Variants in NACAD observed in about 807,000 individuals in gnomAD.
NACAD encodes NAC-alpha domain-containing protein 1.
Under a neutral mutation model 98.9 loss-of-function variants are expected in NACAD, and 47 were observed. That is an observed-to-expected ratio of 0.48 (90% CI 0.38 to 0.61). The LOEUF is 0.61. NACAD is among the 20% of genes least tolerant of loss of function. NACAD has a pLI of 0.00. For synonymous variants in NACAD, 696 were observed against 767.2 expected (o/e 0.91, Z 1.53); for missense variants, 1,412 against 1,748.2 (o/e 0.81, Z 3.43).
chr7:45,083,414 C>T lies in NACAD; in HGVS notation c.2766G>A (p.Met922Ile). 1 of 1,550,598 alleles carries T rather than the reference C, an allele frequency of 6.4e-7. No homozygotes were observed. The highest frequency in any genetic ancestry group is 8.7e-7 in the Non-Finnish European group (1 of 1,147,018). The change falls in exon 2 of 8, where the codon ATG (methionine) becomes ATA (isoleucine). Residue 922 changes from methionine to isoleucine, a missense_variant. By Grantham distance (10) the Met-to-Ile change is conservative. Transcript: ENST00000490531. ...EGLTLPQDSA[M>I]TAPLPLQDTG... The stretch of plus-strand genomic sequence containing the variant: ...TGTCTTGCAGAGGCAGAGGTGCTGT[C>T]ATAGCGGAGTCCTGGGGTAAGGTGA...
In NACAD at chr7:45,082,328, G is replaced by A. The variant is rs1206775784; in HGVS notation, c.3852C>T (p.Val1284=). The change falls in exon 2 of 8, where the codon GTC becomes GTT. Residue 1284 remains valine (V), a synonymous_variant. Transcript: ENST00000490531. This position sits in a 1 kb window ranked among gnomAD's most constrained non-coding sequence, Gnocchi z 4.5. Reference sequence around the variant, plus strand: ...TCCCCAGAGGCTGTGTGGTTCCTGAGACAGCAGCAGCGGCAGGCTGGACTC... The same window carrying A: ...TCCCCAGAGGCTGTGTGGTTCCTGAAACAGCAGCAGCGGCAGGCTGGACTC... ...QAGVQPAAAA[V]SGTTQPLGTG... The A allele has an allele frequency of 6.4e-7, 1 of 1,550,576 alleles. No homozygotes were observed. Among genetic ancestry groups the A allele is most frequent in the Non-Finnish European group, 8.7e-7 (1 of 1,146,968 alleles).
Position 45,080,941 on chromosome 7 carries a change from C to T in NACAD, c.4486G>A (p.Glu1496Lys). ...VPSEPSALVPESAPRPRVRLE... is the reference protein window; with the variant it reads ...VPSEPSALVPKSAPRPRVRLE... ...CTCACCCGGGGCCTGGGTGCTGACT[C>T]AGGGACCAAGGCTGAGGGCTCTGAG... The change falls in exon 6 of 8, where the codon GAG (glutamate) becomes AAG (lysine). Residue 1496 changes from glutamate (E) to lysine (K), a missense_variant. Coordinates refer to ENST00000490531, the MANE Select transcript of NACAD (RefSeq NM_001146334.2). 1 of 1,552,740 alleles carries T rather than the reference C, an allele frequency of 6.4e-7. No homozygotes were observed. The highest frequency in any genetic ancestry group is 8.7e-7 in the Non-Finnish European group (1 of 1,147,618).
rs965493457 is a variant in NACAD, at chr7:45,086,062, G to C, written c.118C>G (p.Arg40Gly). Residue 40 changes from arginine to glycine, a missense_variant, in exon 2 of 8, where the codon CGG becomes GGG. Transcript: ENST00000490531. ...CCTGGGGTCAGAGCACAGGGCTCCC[G>C]CCGGTCCCCTCCCAGGATGGTGGTG... ...AATTILGGDR[R>G]EPCALTPGPS... 2 of 1,536,224 alleles carry C rather than the reference G, an allele frequency of 1.3e-6. No homozygotes were observed. The highest frequency in any genetic ancestry group is 3.9e-5 in the Admixed American group (2 of 50,982).
At position 45,083,013 on chromosome 7, in the gene NACAD, G is replaced by A. The variant is rs113558875; in HGVS notation, c.3167C>T (p.Ala1056Val). The change falls in exon 2 of 8, where the codon GCG becomes GTG. Residue 1056 changes from alanine to valine, a missense_variant. Coordinates refer to ENST00000490531, the MANE Select transcript of NACAD (RefSeq NM_001146334.2). ...AGCCCCATCACCTGTGTGCGCTCGC[G>A]CTTCCAGACATGCTTCCCGTCCAGG... Reference protein sequence around the residue: ...SRPGREACLEARAHTGDGAKP... With the variant: ...SRPGREACLEVRAHTGDGAKP... 1.3e-3 allele frequency: 2,021 copies of A among 1,550,930 alleles called. 22 individuals carry two copies. In the African/African-American group the frequency reaches 0.024, roughly 18 times the overall value.
In NACAD at chr7:45,083,468, C is replaced by T. The variant is rs778298104; in HGVS notation, c.2712G>A (p.Thr904=). Residue 904 remains threonine, a synonymous_variant, in exon 2 of 8, where the codon ACG becomes ACA. Coordinates refer to ENST00000490531, the MANE Select transcript of NACAD (RefSeq NM_001146334.2). ...CCTCTTCAGCCTGCTGGGACACAGG[C>T]GTGGCTGCAGCCACAGGCTTTGGGG... The part of the protein sequence containing the change: ...SSAPKPVAAA[T]PVSQQAEEGL... 14 of 1,382,946 alleles carry T rather than the reference C, an allele frequency of 1.0e-5. No homozygotes were observed. The highest frequency in any genetic ancestry group is 1.0e-4 in the Admixed American group (4 of 39,860). 85.7% of individuals were successfully genotyped at this position (1,382,946 alleles called of 1,614,324 possible).
chr7:45,088,904 G>C lies in NACAD; in HGVS notation c.-10C>G. On this transcript the variant is annotated 5_prime_UTR_variant, in exon 1 of 8. Coordinates refer to ENST00000490531, the MANE Select transcript of NACAD (RefSeq NM_001146334.2). The surrounding 1 kb of genome is among the most constrained non-coding windows in gnomAD (Gnocchi z 5.7). ...CAGCCTCCCCAGGCATGGCCTGGCC[G>C]TGCGCCCGCCCGTCCCTCAGTCCTT... The C allele has an allele frequency of 2.1e-6, 3 of 1,418,314 alleles. No individual in the cohort carries two copies. Among genetic ancestry groups the C allele is most frequent in the Non-Finnish European group, 2.8e-6 (3 of 1,087,196 alleles). 87.9% of individuals were successfully genotyped at this position (1,418,314 alleles called of 1,614,324 possible).
At position 45,083,471 on chromosome 7, in the gene NACAD, G is replaced by A. The variant is rs1784465928; in HGVS notation, c.2709C>T (p.Ala903=). The A allele has an allele frequency of 1.1e-6, 1 of 884,814 alleles. No individual in the cohort carries two copies. Among genetic ancestry groups the A allele is most frequent in the African/African-American group, 1.7e-5 (1 of 58,194 alleles). 54.8% of individuals were successfully genotyped at this position (884,814 alleles called of 1,614,324 possible). The change falls in exon 2 of 8, where the codon GCC becomes GCT. Residue 903 remains alanine, a synonymous_variant. Coordinates refer to ENST00000490531, the MANE Select transcript of NACAD (RefSeq NM_001146334.2). ...CTTCAGCCTGCTGGGACACAGGCGT[G>A]GCTGCAGCCACAGGCTTTGGGGCTG... ...LSSAPKPVAA[A]TPVSQQAEEG...
chr7:45,085,797 G>A lies in NACAD; in HGVS notation c.383C>T (p.Ala128Val), dbSNP rs1385254066. 62 of 1,540,578 alleles carry A rather than the reference G, an allele frequency of 4.0e-5. 1 individual carries two copies. The highest frequency in any genetic ancestry group is 4.7e-5 in the Non-Finnish European group (54 of 1,141,658). ...RIVMGEETCQ[A>V]LLSPRAARTA... is the part of the protein sequence containing the mutation. ...CCGGGCAGCTCTGGGTGACAGGAGGGCCTGGCACGTCTCCTCTCCCATCAC... is the reference window on the plus strand; with the variant it reads ...CCGGGCAGCTCTGGGTGACAGGAGGACCTGGCACGTCTCCTCTCCCATCAC... Residue 128 changes from alanine (A) to valine (V), a missense_variant, in exon 2 of 8, where the codon GCC (alanine) becomes GTC (valine). By Grantham distance (64) the Ala-to-Val change is moderately conservative (BLOSUM62 0). Around this residue, in one of 5 missense-constraint regions of NACAD, gnomAD observed 638 missense variants for 722.7 expected, o/e 0.88. Transcript: ENST00000490531. This position sits in a 1 kb window ranked among gnomAD's most constrained non-coding sequence, Gnocchi z 6.1.
chr7:45,081,899 T>C lies in NACAD; in HGVS notation c.4073-32A>G, dbSNP rs1784436350. 2.6e-6 allele frequency: 4 copies of C among 1,534,998 alleles called. No homozygotes were observed. In the East Asian group the frequency reaches 9.8e-5, roughly 38 times the overall value. ...AAGGGGAGAGGTGTGAGGATGGCCT[T>C]TTGCTTCTAGGTGGCGGGGAAGGGG... On this transcript the variant is annotated intron_variant, in intron 2 of 7. Coordinates refer to ENST00000490531, the MANE Select transcript of NACAD (RefSeq NM_001146334.2).
chr7:45,082,615 C>T lies in NACAD; in HGVS notation c.3565G>A (p.Gly1189Ser). Residue 1189 changes from glycine (G) to serine (S), a missense_variant, in exon 2 of 8, where the codon GGC becomes AGC. Coordinates refer to ENST00000490531, the MANE Select transcript of NACAD (RefSeq NM_001146334.2). This position sits in a 1 kb window ranked among gnomAD's most constrained non-coding sequence, Gnocchi z 4.5. ...ACTTCGTGGGGTTGCTCAACACTGC[C>T]CAGACCCAGTACAGGCTCCGGCTGC... is the stretch of plus-strand genomic sequence containing the variant. ...SQQPEPVLGL[G>S]SVEQPHEVPS... 6.5e-7 allele frequency: 1 copy of T among 1,528,348 alleles called. No individual in the cohort carries two copies. Among genetic ancestry groups the T allele is most frequent in the African/African-American group, 1.4e-5 (1 of 72,674 alleles). 94.7% of individuals were successfully genotyped at this position (1,528,348 alleles called of 1,614,324 possible). A position where few individuals can be genotyped will look rare whatever the true frequency, so the allele number is the denominator to read the frequency against.
At chr7:45,087,608 G>C (rs1784540069) in intron 1 of NACAD, among the ~76,000 whole-genome samples, 4 of 152,234 alleles carry the variant, frequency 2.6e-5, no homozygotes, top group African/African-American at 9.6e-5. Flanking sequence ...GAAAGAAGGG[G>C]GACCCTGTTG....
rs887478304 is a variant in NACAD, at chr7:45,081,227, C to T, written c.4294G>A (p.Val1432Ile). The change falls in exon 5 of 8, where the codon GTC becomes ATC. Residue 1432 changes from valine (V) to isoleucine (I), a missense_variant. Transcript: ENST00000490531. ...GACTTCTGGATGGTGATCCTGGTGA[C>T]TCCCTGAATCTGCCGCAAGCCCAGC... is the stretch of plus-strand genomic sequence containing the variant. Reference protein sequence around the residue: ...SKLGLRQIQGVTRITIQKSKN... With the variant: ...SKLGLRQIQGITRITIQKSKN... 1.3e-6 allele frequency: 2 copies of T among 1,551,358 alleles called. No individual in the cohort carries two copies. The highest frequency in any genetic ancestry group is 1.4e-5 in the African/African-American group (1 of 73,060).
At position 45,085,788 on chromosome 7, in the gene NACAD, G is replaced by A; in HGVS notation, c.392C>T (p.Ser131Leu). Residue 131 changes from serine (S) to leucine (L), a missense_variant, in exon 2 of 8, where the codon TCA becomes TTA. Physicochemically the swap from Ser to Leu is moderately radical, Grantham distance 145. Coordinates refer to ENST00000490531, the MANE Select transcript of NACAD (RefSeq NM_001146334.2). This position sits in a 1 kb window ranked among gnomAD's most constrained non-coding sequence, Gnocchi z 6.1. The part of the protein sequence containing the change: ...MGEETCQALL[S>L]PRAARTALRD... ...GAGCGCTGTCCGGGCAGCTCTGGGT[G>A]ACAGGAGGGCCTGGCACGTCTCCTC... 1 of 1,543,596 alleles carries A rather than the reference G, an allele frequency of 6.5e-7. No individual in the cohort carries two copies. The highest frequency in any genetic ancestry group is 1.7e-4 in the Middle Eastern group (1 of 5,818).
Position 45,088,912 on chromosome 7 carries a change from G to C in NACAD, c.-18C>G, listed in dbSNP as rs1487291481. 2.1e-6 allele frequency: 3 copies of C among 1,399,886 alleles called. No homozygotes were observed. Among genetic ancestry groups the C allele is most frequent in the East Asian group, 6.1e-5 (2 of 32,728 alleles). 86.7% of individuals were successfully genotyped at this position (1,399,886 alleles called of 1,614,324 possible). A position where few individuals can be genotyped will look rare whatever the true frequency, so the allele number is the denominator to read the frequency against. ...CCAGGCATGGCCTGGCCGTGCGCCCGCCCGTCCCTCAGTCCTTCCGACCCT... is the reference window on the plus strand; with the variant it reads ...CCAGGCATGGCCTGGCCGTGCGCCCCCCCGTCCCTCAGTCCTTCCGACCCT... On this transcript the variant is annotated 5_prime_UTR_variant, in exon 1 of 8. Transcript: ENST00000490531. This position sits in a 1 kb window ranked among gnomAD's most constrained non-coding sequence, Gnocchi z 5.7.
At position 45,082,896 on chromosome 7, in the gene NACAD, G is replaced by C; in HGVS notation, c.3284C>G (p.Ser1095Ter). ...KPLAQEHGPR[S>*]ALGGAREVPD... ...GACCTCCCTTGCACCTCCAAGTGCTGACCTGGGTCCATGTTCCTGTGCCAG... is the reference window on the plus strand; with the variant it reads ...GACCTCCCTTGCACCTCCAAGTGCTCACCTGGGTCCATGTTCCTGTGCCAG... The change falls in exon 2 of 8, where the codon TCA (serine) becomes TGA (stop). Residue 1095 changes from serine to a stop codon, truncating the protein, a stop_gained. Transcript: ENST00000490531. LOFTEE classifies it high-confidence loss of function. The surrounding 1 kb of genome is among the most constrained non-coding windows in gnomAD (Gnocchi z 4.5). 1 of 1,550,954 alleles carries C rather than the reference G, an allele frequency of 6.4e-7. No individual in the cohort carries two copies. Among genetic ancestry groups the C allele is most frequent in the East Asian group, 2.4e-5 (1 of 40,920 alleles).
At position 45,085,685 on chromosome 7, in the gene NACAD, G is replaced by A. The variant is rs1418714354; in HGVS notation, c.495C>T (p.Ser165=). 1.0e-5 allele frequency: 16 copies of A among 1,549,540 alleles called. No individual in the cohort carries two copies. Among genetic ancestry groups the A allele is most frequent in the African/African-American group, 1.4e-5 (1 of 73,040 alleles). ...LCSQGDLSVP[S]PPPDPDSFFT... is the part of the protein sequence containing the mutation. ...AGAAGGAATCAGGGTCTGGGGGAGG[G>A]GAAGGCACAGAAAGATCACCCTGAG... is the stretch of plus-strand genomic sequence containing the variant. Residue 165 remains serine (S), a synonymous_variant, in exon 2 of 8, where the codon TCC becomes TCT. Coordinates refer to ENST00000490531, the MANE Select transcript of NACAD (RefSeq NM_001146334.2). The surrounding 1 kb of genome is among the most constrained non-coding windows in gnomAD (Gnocchi z 6.1).
Position 45,080,695 on chromosome 7 carries a change from G to A in NACAD, c.4619C>T (p.Ala1540Val). The A allele has an allele frequency of 1.9e-6, 3 of 1,551,208 alleles. No individual in the cohort carries two copies. The highest frequency in any genetic ancestry group is 2.6e-6 in the Non-Finnish European group (3 of 1,146,958). ...GTCTCTCAGAGCCCGCACGGCCTTG[G>A]CCCTGGACACATTGGCCTGCGCCAT... ...LVMAQANVSR[A>V]KAVRALRDNH... is the part of the protein sequence containing the mutation. The change falls in exon 7 of 8, where the codon GCC becomes GTC. Residue 1540 changes from alanine (A) to valine (V), a missense_variant. By Grantham distance (64) the Ala-to-Val change is moderately conservative. Transcript: ENST00000490531.
In NACAD at chr7:45,082,281, G is replaced by T. The variant is rs895700377; in HGVS notation, c.3899C>A (p.Ser1300Ter). ...PLGTGPRVSL[S>*]PHSPLLSPKV... ...GGGGCTGAGGAGTGGGGAGTGAGGC[G>T]AGAGGCTGACTCGCGGCCCAGTCCC... The change falls in exon 2 of 8, where the codon TCG (serine) becomes TAG (stop). Residue 1300 changes from serine to a stop codon, truncating the protein, a stop_gained. Coordinates refer to ENST00000490531, the MANE Select transcript of NACAD (RefSeq NM_001146334.2). LOFTEE classifies it high-confidence loss of function. This position sits in a 1 kb window ranked among gnomAD's most constrained non-coding sequence, Gnocchi z 4.5. 1.3e-6 allele frequency: 2 copies of T among 1,550,554 alleles called. No homozygotes were observed. Among genetic ancestry groups the T allele is most frequent in the Admixed American group, 2.0e-5 (1 of 50,974 alleles).
rs979214949 is a variant in NACAD at position 45,085,202 on chromosome 7, C to T, written c.978G>A (p.Val326=). 2.6e-6 allele frequency: 4 copies of T among 1,551,302 alleles called. No individual in the cohort carries two copies. Among genetic ancestry groups the T allele is most frequent in the African/African-American group, 1.4e-5 (1 of 73,052 alleles). Residue 326 remains valine, a synonymous_variant, in exon 2 of 8, where the codon GTG becomes GTA. Transcript: ENST00000490531. The surrounding 1 kb of genome is among the most constrained non-coding windows in gnomAD (Gnocchi z 6.1). ...SLIFQVEAVE[V]TPLSPEEEEE... ...CTTCTTCCTCTGGGGATAGCGGTGT[C>T]ACCTCCACTGCCTCCACCTGAAAGA...
Sources: allele counts gnomAD v4.1 joint callset (sites outside exome capture counted in the v4.1 genomes callset), GRCh38; gene constraint gnomAD v4.1.1; regional missense constraint gnomAD v4.1.1; non-coding constraint Gnocchi (gnomAD v3.1); transcripts MANE v1.5; gene names NCBI Gene and HGNC (gene_info 2026-07-23, HGNC 2026-07-21).